The following MAST4 variants were observed in gnomAD, a reference collection of about 807,000 sequenced individuals.
The protein encoded by MAST4 is microtubule associated serine/threonine kinase family member 4, also known as microtubule-associated serine/threonine-protein kinase 4.
In MAST4, 89 loss-of-function variants were observed where a neutral mutation model predicts 162.7. The ratio of observed to expected loss-of-function variants is 0.55; its 90% CI spans 0.46 to 0.65. The LOEUF (loss-of-function observed/expected upper bound fraction) is 0.65, where lower values mean the gene tolerates loss of function less well. Ranked by LOEUF, MAST4 falls within the 30% of genes least tolerant of loss-of-function variation. MAST4 has a pLI of 0.00. For synonymous variants in MAST4, 1,479 were observed against 1,361.1 expected (o/e 1.09, Z -1.91); for missense variants, 3,153 against 3,374.0 (o/e 0.93, Z 1.62).
chr5:66,624,531 A>G (rs997154983), intron 1 of MAST4, among the ~76,000 whole-genome samples: 1 of 140,614 alleles, frequency 7.1e-6, no homozygotes, highest in African/African-American at 2.6e-5. Flanking sequence ...TTTTACAGAA[A>G]TAAAAAAACT....
intron 26 of MAST4, among the ~76,000 whole-genome samples, chr5:67,157,671 G>T (rs933545892): frequency 6.6e-6 from 1 of 152,200 alleles, no homozygotes; most frequent in African/African-American, 2.4e-5. Context: ...AGGGAGCGGG[G>T]TTTGGTAGGA....
chr5:67,022,299 A>G (rs1282581460), intron 4 of MAST4, among the ~76,000 whole-genome samples: 1 of 152,100 alleles, frequency 6.6e-6, no homozygotes, highest in Non-Finnish European at 1.5e-5. Context: ...ATCTTAATAC[A>G]TCATGCCAAG....
At chr5:67,149,312 T>C (rs1184808331) in intron 23 of MAST4, 77 bp from the exon 24 acceptor site, 5 of 1,316,372 alleles carry the variant, frequency 3.8e-6, no homozygotes, top group Non-Finnish European at 5.4e-6. Context: ...CTCTTCCTGC[T>C]GTCTCTCTCT....
At chr5:67,066,684 T>C (rs1005512987) in intron 5 of MAST4, among the ~76,000 whole-genome samples, 4 of 152,202 alleles carry the variant, frequency 2.6e-5, no homozygotes, top group African/African-American at 4.8e-5. Context: ...TGAATAGCAT[T>C]ATTCATGAAT....
At chr5:67,112,056 T>C (rs1766306037) in intron 11 of MAST4, among the ~76,000 whole-genome samples, 1 of 151,980 alleles carries the variant, frequency 6.6e-6, no homozygotes, top group Non-Finnish European at 1.5e-5. Context: ...GTTTTTTTTT[T>C]TTTCTTTCTA....
intron 4 of MAST4, among the ~76,000 whole-genome samples, chr5:67,032,981 CT>C (rs1755540827): frequency 6.6e-6 from 1 of 151,952 alleles, no homozygotes; most frequent in African/African-American, 2.4e-5. Context: ...AAGATAATTA[CT>C]TTATGTTGTA....
intron 5 of MAST4, among the ~76,000 whole-genome samples, chr5:67,069,552 T>A (rs1216887301): frequency 6.6e-6 from 1 of 152,040 alleles, no homozygotes; most frequent in Non-Finnish European, 1.5e-5. Flanking sequence ...TGTGAGGGCA[T>A]GCCCGAGTGA....
chr5:66,689,840 C>G (rs144053908), intron 1 of MAST4, among the ~76,000 whole-genome samples: 1 of 152,122 alleles, frequency 6.6e-6, no homozygotes, highest in African/African-American at 2.4e-5. Context: ...ATAAGGAGTG[C>G]GAGAAGGTGA....
chr5:67,162,828 A>C (rs1331454327), intron 28 of MAST4, 40 bp downstream of exon 28: 1 of 1,584,656 alleles, frequency 6.3e-7, no homozygotes, highest in Non-Finnish European at 8.6e-7. Context: ...AGGGGAGGGG[A>C]GGTAAAGTCA....
chr5:66,944,599 C>A (rs762061936), intron 4 of MAST4, among the ~76,000 whole-genome samples: 8 of 152,098 alleles, frequency 5.3e-5, no homozygotes, highest in Non-Finnish European at 7.4e-5. Flanking sequence ...TGTATTACTT[C>A]TGATGTCTCA....
chr5:67,106,255 C>T (rs1765581774), intron 10 of MAST4, among the ~76,000 whole-genome samples: 1 of 152,074 alleles, frequency 6.6e-6, no homozygotes, highest in Admixed American at 6.6e-5. Context: ...TTACCTCAGA[C>T]CAGTAGTCAT....
At chr5:67,154,186 A>G (rs900122300) in intron 26 of MAST4, among the ~76,000 whole-genome samples, 2 of 152,248 alleles carry the variant, frequency 1.3e-5, no homozygotes, top group Non-Finnish European at 2.9e-5. Flanking sequence ...CACAGGAAGC[A>G]TGACTGTAAA....
chr5:66,896,765 T>C (rs1762710866), intron 3 of MAST4, among the ~76,000 whole-genome samples: 1 of 152,184 alleles, frequency 6.6e-6, no homozygotes, highest in Non-Finnish European at 1.5e-5. Context: ...ATAGTTGCCT[T>C]CTCTTTTTGA....
At chr5:67,082,561 T>G (rs535379552) in intron 5 of MAST4, among the ~76,000 whole-genome samples, 4 of 152,118 alleles carry the variant, frequency 2.6e-5, no homozygotes, top group Non-Finnish European at 5.9e-5. Flanking sequence ...AGATACTAAA[T>G]CAAGAGAAGA....
At position 66,851,272 on chromosome 5, in the gene MAST4, T is replaced by C. The variant is rs527254590; in HGVS notation, c.643-48679T>C. Among the ~76,000 whole-genome samples the C allele has an allele frequency of 5.3e-5, 8 of 152,330 alleles. No individual in the cohort carries two copies. The South Asian group carries it at 1.2e-3, about 24-fold the overall frequency. ...CTCTCTATTTTCTGTCTGTCTGTCTTTGTATCTATCTATTCAAAGCCTCAG... is the reference window on the plus strand; with the variant it reads ...CTCTCTATTTTCTGTCTGTCTGTCTCTGTATCTATCTATTCAAAGCCTCAG... On this transcript the variant is annotated intron_variant, in intron 3 of 28. Coordinates refer to ENST00000403625, the MANE Select transcript of MAST4 (RefSeq NM_001164664.2).
At chr5:67,027,041 T>C (rs931905825) in intron 4 of MAST4, among the ~76,000 whole-genome samples, 3 of 152,160 alleles carry the variant, frequency 2.0e-5, no homozygotes, top group African/African-American at 7.2e-5. Flanking sequence ...ATAAGATTAT[T>C]ATCTTCAAGA....
At chr5:66,775,427 CA>C (rs1754555697) in intron 2 of MAST4, among the ~76,000 whole-genome samples, 1 of 152,258 alleles carries the variant, frequency 6.6e-6, no homozygotes, top group African/African-American at 2.4e-5. Context: ...TACTTAATGT[CA>C]ACTGAGCTTT....
At chr5:66,785,061 C>A (rs1273771474) in intron 2 of MAST4, among the ~76,000 whole-genome samples, 1 of 151,990 alleles carries the variant, frequency 6.6e-6, no homozygotes, top group African/African-American at 2.4e-5. Flanking sequence ...GGTAAAACCC[C>A]GTCTCTACTA....
intron 5 of MAST4, among the ~76,000 whole-genome samples, chr5:67,078,824 T>G (rs567044661): frequency 8.5e-6 from 1 of 118,214 alleles, no homozygotes; most frequent in Non-Finnish European, 1.6e-5. Flanking sequence ...ATTTTTATAT[T>G]TATATTTATA....
Sources: allele counts gnomAD v4.1 joint callset (sites outside exome capture counted in the v4.1 genomes callset), GRCh38; gene constraint gnomAD v4.1.1; transcripts MANE v1.5; gene names NCBI Gene and HGNC (gene_info 2026-07-23, HGNC 2026-07-21).